SNTG2: variants seen among roughly 807,000 people sequenced by gnomAD.
SNTG2 encodes gamma-2-syntrophin.
SNTG2 carries 74 observed loss-of-function variants against 70.9 expected under a neutral mutation model. The ratio of observed to expected loss-of-function variants is 1.04; its 90% CI spans 0.86 to 1.27. The LOEUF is 1.27. Among genes scored for constraint, SNTG2 ranks in the 50% most tolerant of loss-of-function variants. SNTG2 has a pLI of 0.00. For synonymous variants in SNTG2, 278 were observed against 273.8 expected (o/e 1.02, Z -0.15); for missense variants, 717 against 690.7 (o/e 1.04, Z -0.43).
intron 14 of SNTG2, among the ~76,000 whole-genome samples, chr2:1,272,555 C>T (rs368489274): frequency 1.6e-5 from 2 of 121,958 alleles, no homozygotes; most frequent in Non-Finnish European, 3.4e-5. Context: ...AGAAAGGACA[C>T]CCCAGGGAAC....
intron 4 of SNTG2, among the ~76,000 whole-genome samples, chr2:1,114,379 T>G (rs1666775252): frequency 2.0e-5 from 3 of 151,554 alleles, no homozygotes; most frequent in Non-Finnish European, 2.9e-5. Flanking sequence ...CTAAGTGAGG[T>G]TTAAACCTTA....
chr2:1,329,323 G>A (rs1659376916), intron 16 of SNTG2, among the ~76,000 whole-genome samples: 1 of 152,150 alleles, frequency 6.6e-6, no homozygotes, highest in South Asian at 2.1e-4. Context: ...TTAAACCAAA[G>A]GTGTATGTGC....
At chr2:1,255,854 AT>A (rs1483524311) in intron 12 of SNTG2, among the ~76,000 whole-genome samples, 3 of 36,908 alleles carry the variant, frequency 8.1e-5, no homozygotes, top group African/African-American at 4.1e-4. Flanking sequence ...ATATATATAA[AT>A]ATATATAAAT....
intron 1 of SNTG2, among the ~76,000 whole-genome samples, chr2:1,017,680 C>T (rs1312221141): frequency 6.6e-6 from 1 of 152,146 alleles, no homozygotes; most frequent in Admixed American, 6.5e-5. Flanking sequence ...TAAGAGCTCA[C>T]GTATACATAA....
At chr2:1,284,400 G>A (rs911880240) in intron 14 of SNTG2, among the ~76,000 whole-genome samples, 3 of 152,212 alleles carry the variant, frequency 2.0e-5, no homozygotes, top group African/African-American at 7.2e-5. Context: ...AGAACCACAA[G>A]TCCAGCATTT....
chr2:1,225,767 G>A lies in SNTG2; in HGVS notation c.720-12121G>A, dbSNP rs116493073. ...GACGTTCGTTCCCAGGGATCTGAATGAAGTAGAAAAGTGCAGATGCTCAGG... is the reference window on the plus strand; with the variant it reads ...GACGTTCGTTCCCAGGGATCTGAATAAAGTAGAAAAGTGCAGATGCTCAGG... On this transcript the variant is annotated intron_variant, in intron 9 of 16. Coordinates refer to ENST00000308624, the MANE Select transcript of SNTG2 (RefSeq NM_018968.4). Among the ~76,000 whole-genome samples, 610 of 152,324 alleles carry A rather than the reference G, an allele frequency of 4.0e-3. 6 individuals are homozygous for A. The highest frequency in any genetic ancestry group is 0.014 in the Middle Eastern group (4 of 294).
chr2:1,154,995 C>T (rs1268568691), intron 6 of SNTG2, among the ~76,000 whole-genome samples: 2 of 88,294 alleles, frequency 2.3e-5, no homozygotes, highest in Non-Finnish European at 6.9e-5. Flanking sequence ...CACACATATA[C>T]ACACACACAA....
intron 1 of SNTG2, among the ~76,000 whole-genome samples, chr2:1,006,099 A>G (rs1659562524): frequency 6.9e-6 from 1 of 144,840 alleles, no homozygotes; most frequent in Admixed American, 7.1e-5. Flanking sequence ...ATTCTCACTC[A>G]TAGGTGGGAA....
At chr2:1,137,576 C>G (rs1054618004) in intron 4 of SNTG2, 46 bp from the exon 5 acceptor site, 1 of 1,599,610 alleles carries the variant, frequency 6.3e-7, no homozygotes, top group South Asian at 1.1e-5. Flanking sequence ...CAAAGCATGT[C>G]ACTGAGATTT....
chr2:1,190,793 G>A (rs968919290), intron 8 of SNTG2, among the ~76,000 whole-genome samples: 2 of 151,992 alleles, frequency 1.3e-5, no homozygotes, highest in Admixed American at 6.6e-5. Flanking sequence ...TCAATTTTCT[G>A]TAAGATATCA....
chr2:1,049,196 C>T (rs2148074457), intron 1 of SNTG2, among the ~76,000 whole-genome samples: 1 of 152,306 alleles, frequency 6.6e-6, no homozygotes, highest in Non-Finnish European at 1.5e-5. Flanking sequence ...AACGAGGATA[C>T]ACTCTTGGTG....
chr2:1,077,716 C>T (rs185783101), intron 1 of SNTG2, among the ~76,000 whole-genome samples: 55 of 152,320 alleles, frequency 3.6e-4, no homozygotes, highest in African/African-American at 1.3e-3. Context: ...GATATTTCCT[C>T]ACAGGTTTTT....
At chr2:1,033,299 G>C (rs1660945329) in intron 1 of SNTG2, among the ~76,000 whole-genome samples, 1 of 152,308 alleles carries the variant, frequency 6.6e-6, no homozygotes, top group African/African-American at 2.4e-5. Context: ...TGCAGAGGAA[G>C]CTCTGAGTCA....
chr2:1,059,744 A>C (rs1351507610), intron 1 of SNTG2, among the ~76,000 whole-genome samples: 2 of 152,212 alleles, frequency 1.3e-5, no homozygotes, highest in Admixed American at 6.5e-5. Context: ...CTTTACTTAG[A>C]GACCATTTTA....
Position 1,296,171 on chromosome 2 carries a change from C to T in SNTG2, c.1285-12323C>T, listed in dbSNP as rs1453523131. On this transcript the variant is annotated intron_variant, in intron 14 of 16. Coordinates refer to ENST00000308624, the MANE Select transcript of SNTG2 (RefSeq NM_018968.4). ...TATCAGTTGCTTCCACTTGGTAAGC[C>T]TCTGCCTCGCACCATGGCCACTTCT... Among the ~76,000 whole-genome samples the T allele has an allele frequency of 2.6e-5, 4 of 152,194 alleles. No individual in the cohort carries two copies. The East Asian group carries it at 7.7e-4, about 29-fold the overall frequency.
intron 13 of SNTG2, chr2:1,262,975 C>T (rs1202179461): frequency 6.6e-6 from 1 of 152,222 alleles, no homozygotes; most frequent in Non-Finnish European, 1.5e-5. Context: ...TTTAAAGGAG[C>T]TACAGGAACT....
chr2:1,163,306 TC>T lies in SNTG2; in HGVS notation c.412-2239del, dbSNP rs1326797731. On this transcript the variant is annotated intron_variant, in intron 6 of 16. Coordinates refer to ENST00000308624, the MANE Select transcript of SNTG2 (RefSeq NM_018968.4). ...CAACAGGAGGTGGGTGTGTGAGGCC[TC>T]CCAATAGGAAGTGGGCATGGGAAGC... 2.6e-3 allele frequency: 382 copies of T among 147,842 alleles called. 2 individuals are homozygous for T. The highest frequency in any genetic ancestry group is 9.2e-3 in the African/African-American group (352 of 38,272). 9.2% of individuals were successfully genotyped at this position (147,842 alleles called of 1,614,324 possible).
chr2:1,149,601 C>T (rs1222245815), intron 6 of SNTG2, among the ~76,000 whole-genome samples: 2 of 151,886 alleles, frequency 1.3e-5, no homozygotes, highest in Non-Finnish European at 2.9e-5. Flanking sequence ...ATCTATCCAC[C>T]ATGTCTTTTC....
rs1159187576 is a variant in SNTG2, at chr2:1,267,454, C to T, written c.1167C>T (p.Phe389=). The T allele has an allele frequency of 1.2e-6, 2 of 1,613,466 alleles. No individual in the cohort carries two copies. Among genetic ancestry groups the T allele is most frequent in the African/African-American group, 1.3e-5 (1 of 74,932 alleles). The stretch of plus-strand genomic sequence containing the variant: ...TTGAGGACCAGAGGCCCTATTGCTT[C>T]AGCATCGTGGCCGGCCATGGGAAGA... ...FDFEDQRPYC[F]SIVAGHGKSH... The change falls in exon 14 of 17, where the codon TTC becomes TTT. Residue 389 remains phenylalanine, a synonymous_variant. Transcript: ENST00000308624.
Sources: gnomAD v4.1 joint callset for allele counts (sites outside exome capture counted in the v4.1 genomes callset) on GRCh38, gnomAD v4.1.1 for gene constraint, MANE v1.5 for transcripts, NCBI Gene and HGNC (gene_info 2026-07-23, HGNC 2026-07-21) for gene names.